The following EFHB variants were observed in gnomAD, a reference collection of about 807,000 sequenced individuals.
EFHB encodes the protein EF-hand domain family member B, also known as EF-hand domain-containing family member B.
Under a neutral mutation model 87.2 loss-of-function variants are expected in EFHB, and 91 were observed. That is an observed-to-expected ratio of 1.04 (90% CI 0.88 to 1.24). The LOEUF is 1.24. Ranked by LOEUF, EFHB falls within the 50% of genes most tolerant of loss-of-function variation. The probability of loss-of-function intolerance (pLI) is 0.00; values close to 1 mark genes in which losing one functional copy is unlikely to be tolerated. For synonymous variants in EFHB, 325 were observed against 333.6 expected (o/e 0.97, Z 0.28); for missense variants, 1,084 against 998.8 (o/e 1.09, Z -1.15).
At chr3:19,939,206 T>C (rs944719819), upstream of EFHB, among the ~76,000 whole-genome samples, 3 of 151,844 alleles carry the variant, frequency 2.0e-5, no homozygotes, top group Non-Finnish European at 2.9e-5. Context: ...ATGCCCAGCC[T>C]ACTTTATGAC....
intron 2 of EFHB, 140 bp downstream of exon 2, chr3:19,920,365 A>C (rs1336522606): frequency 1.5e-6 from 1 of 686,526 alleles, no homozygotes; most frequent in Non-Finnish European, 2.4e-6. Context: ...AATCAATAGA[A>C]GGCCTCAAAA....
In EFHB at chr3:19,888,253, A is replaced by G. The variant is rs1042738713; in HGVS notation, c.1933+191T>C. Among the ~76,000 whole-genome samples, 22 of 152,118 alleles carry G rather than the reference A, an allele frequency of 1.4e-4. 2 individuals carry two copies. The East Asian group carries it at 1.9e-3, about 13-fold the overall frequency. ...TTAAGAATTCAGCAAATGGCTAAGC[A>G]TGCTGGCTCACACCAATAATCCCAG... is the stretch of plus-strand genomic sequence containing the variant. On this transcript the variant is annotated intron_variant, in intron 10 of 12. Coordinates refer to ENST00000295824, the MANE Select transcript of EFHB (RefSeq NM_144715.4).
chr3:19,936,348 A>AAG, upstream of EFHB: 1 of 548,362 alleles, frequency 1.8e-6, no homozygotes, highest in Non-Finnish European at 3.3e-6. Flanking sequence ...AAAAAAAAAA[A>AAG]AGTCCAGGAG....
chr3:19,918,493 G>A, intron 3 of EFHB, 81 bp from the exon 4 acceptor site: 1 of 1,283,426 alleles, frequency 7.8e-7, no homozygotes, highest in Non-Finnish European at 1.1e-6. Flanking sequence ...AATAGCTGGG[G>A]AGAGGAGACT....
intron 6 of EFHB, 49 bp from the exon 7 acceptor site, chr3:19,899,564 T>C (rs749735298): frequency 1.4e-6 from 2 of 1,434,744 alleles, no homozygotes; most frequent in Non-Finnish European, 1.9e-6. Flanking sequence ...AAAGTATTCT[T>C]GGCTGCCAAA....
chr3:19,892,010 A>AC, intron 9 of EFHB, among the ~76,000 whole-genome samples: 1 of 152,040 alleles, frequency 6.6e-6, no homozygotes. Context: ...TGAACCTCTG[A>AC]CCCCTCCCTC....
intron 7 of EFHB, among the ~76,000 whole-genome samples, 155 bp from the exon 8 acceptor site, chr3:19,899,000 A>G (rs112311498): frequency 1.2e-3 from 184 of 152,334 alleles, no homozygotes; most frequent in Non-Finnish European, 2.5e-3. Flanking sequence ...CTTTTGTCTG[A>G]TCTTCCACTT....
At position 19,882,993 on chromosome 3, in the gene EFHB, T is replaced by C. The variant is rs541596432; in HGVS notation, c.2147-262A>G. On this transcript the variant is annotated intron_variant, in intron 11 of 12. Transcript: ENST00000295824. ...ACCTGTTTCTTTTTTTAACATGACT[T>C]TTTTTTCTTTTTCTTTTTCTTTTTT... 3.9e-5 allele frequency among the ~76,000 whole-genome samples: 6 copies of C among 152,210 alleles called. No individual in the cohort carries two copies. The South Asian group carries it at 1.2e-3, about 32-fold the overall frequency.
In EFHB at chr3:19,933,421, C is replaced by G. The variant is rs747162397; in HGVS notation, c.598G>C (p.Glu200Gln). ...GTATTCTTAGTCTCATCTGGCCCCTCGGCTTGGGTTAGTCCAATGTCCACC... is the reference window on the plus strand; with the variant it reads ...GTATTCTTAGTCTCATCTGGCCCCTGGGCTTGGGTTAGTCCAATGTCCACC... ...VEVDIGLTQA[E>Q]GPDETKNTEP... The change falls in exon 1 of 13, where the codon GAG becomes CAG. Residue 200 changes from glutamate (E) to glutamine (Q), a missense_variant. Physicochemically the swap from Glu to Gln is conservative, Grantham distance 29. Coordinates refer to ENST00000295824, the MANE Select transcript of EFHB (RefSeq NM_144715.4). 1 of 1,613,982 alleles carries G rather than the reference C, an allele frequency of 6.2e-7. No homozygotes were observed. The highest frequency in any genetic ancestry group is 8.5e-7 in the Non-Finnish European group (1 of 1,179,890).
intron 10 of EFHB, among the ~76,000 whole-genome samples, chr3:19,885,540 A>G (rs1190050240): frequency 6.6e-6 from 1 of 152,216 alleles, no homozygotes; most frequent in Non-Finnish European, 1.5e-5. Context: ...AATTCCTGCA[A>G]TCTTTTTCAG....
In EFHB at chr3:19,879,760, T is replaced by C; in HGVS notation, c.2373A>G (p.Glu791=). ...CAAGATTCCATACATTTTCAAATTC[T>C]TCATCAGACAGTTTGACACCAATGT... ...LCNIGVKLSD[E]EFENVWNLAS... is the part of the protein sequence containing the mutation. The change falls in exon 13 of 13, where the codon GAA becomes GAG. Residue 791 remains glutamate, a synonymous_variant. Transcript: ENST00000295824. The C allele has an allele frequency of 6.2e-7, 1 of 1,609,136 alleles. No individual in the cohort carries two copies. The highest frequency in any genetic ancestry group is 1.1e-5 in the South Asian group (1 of 89,824).
At chr3:19,913,767 T>C (rs538447325) in intron 5 of EFHB, among the ~76,000 whole-genome samples, 2 of 152,208 alleles carry the variant, frequency 1.3e-5, no homozygotes, top group Admixed American at 1.3e-4. Context: ...AGTAATCACA[T>C]TACTTGACTT....
At position 19,933,386 on chromosome 3, in the gene EFHB, T is replaced by A. The variant is rs752304969; in HGVS notation, c.633A>T (p.Gln211His). 3.1e-6 allele frequency: 5 copies of A among 1,613,894 alleles called. No homozygotes were observed. The African/African-American group carries it at 6.7e-5, about 22-fold the overall frequency. ...GPDETKNTEP[Q>H]MGLVIEPPQC... ...GGGGAGGTTCTATCACCAAGCCCAT[T>A]TGGGGCTCTGTATTCTTAGTCTCAT... The change falls in exon 1 of 13, where the codon CAA becomes CAT. Residue 211 changes from glutamine (Q) to histidine (H), a missense_variant. Coordinates refer to ENST00000295824, the MANE Select transcript of EFHB (RefSeq NM_144715.4).
At chr3:19,891,355 T>A (rs1694299695) in intron 9 of EFHB, among the ~76,000 whole-genome samples, 1 of 149,392 alleles carries the variant, frequency 6.7e-6, no homozygotes, top group African/African-American at 2.5e-5. Context: ...CACACTCAGC[T>A]GAGAAGTGAT....
chr3:19,893,155 T>A (rs894072117), intron 9 of EFHB, among the ~76,000 whole-genome samples: 1 of 152,110 alleles, frequency 6.6e-6, no homozygotes, highest in African/African-American at 2.4e-5. Context: ...TTCGCCATGT[T>A]GGTCAGGCTG....
chr3:19,884,692 G>T, intron 10 of EFHB, 77 bp from the exon 11 acceptor site: 1 of 1,404,052 alleles, frequency 7.1e-7, no homozygotes, highest in Non-Finnish European at 9.8e-7. Flanking sequence ...AACAGGATAA[G>T]TTTTCCCATC....
intron 7 of EFHB, 97 bp downstream of exon 7, chr3:19,899,335 T>G: frequency 1.3e-6 from 1 of 745,492 alleles, no homozygotes; most frequent in Non-Finnish European, 2.0e-6. Context: ...TCTTATTTAA[T>G]AGATAGAATC....
At position 19,896,761 on chromosome 3, in the gene EFHB, C is replaced by T; in HGVS notation, c.1651G>A (p.Val551Ile). Residue 551 changes from valine to isoleucine, a missense_variant, in exon 9 of 13, where the codon GTT becomes ATT. Val to Ile is a conservative substitution (Grantham distance 29, BLOSUM62 3). Coordinates refer to ENST00000295824, the MANE Select transcript of EFHB (RefSeq NM_144715.4). Reference protein sequence around the residue: ...KDRQRALIAAVRHHLKKVNYQ... With the variant: ...KDRQRALIAAIRHHLKKVNYQ... ...TTAACTTTCTTCAGGTGATGCCGAA[C>T]TGCTGCAATCAGGGCTCGCTGTCTA... The T allele has an allele frequency of 6.2e-7, 1 of 1,614,034 alleles. No individual in the cohort carries two copies.
Position 19,934,099 on chromosome 3 carries a change from C to G in EFHB, c.-81G>C, listed in dbSNP as rs1252089251. On this transcript the variant is annotated 5_prime_UTR_variant, in exon 1 of 13. Transcript: ENST00000295824. ...CTGTACCTGGCTACAAAGACGCCTCCAATCCCTTGCGGAACCCCTCTCTCA... is the reference window on the plus strand; with the variant it reads ...CTGTACCTGGCTACAAAGACGCCTCGAATCCCTTGCGGAACCCCTCTCTCA... The G allele has an allele frequency of 6.7e-7, 1 of 1,482,696 alleles. No homozygotes were observed. Among genetic ancestry groups the G allele is most frequent in the African/African-American group, 1.4e-5 (1 of 71,144 alleles). 91.8% of individuals were successfully genotyped at this position (1,482,696 alleles called of 1,614,324 possible). A position where few individuals can be genotyped will look rare whatever the true frequency, so the allele number is the denominator to read the frequency against.
Sources: gnomAD v4.1 joint callset for allele counts (sites outside exome capture counted in the v4.1 genomes callset) on GRCh38, gnomAD v4.1.1 for gene constraint, MANE v1.5 for transcripts, NCBI Gene and HGNC (gene_info 2026-07-23, HGNC 2026-07-21) for gene names.